The following UBTD2 variants were observed in gnomAD, a reference collection of about 807,000 sequenced individuals.
UBTD2 encodes the protein ubiquitin domain-containing protein 2.
Under a neutral mutation model 19.8 loss-of-function variants are expected in UBTD2, and 9 were observed. The ratio of observed to expected loss-of-function variants is 0.46; its 90% CI spans 0.27 to 0.79. The LOEUF (loss-of-function observed/expected upper bound fraction) is 0.79, where lower values mean the gene tolerates loss of function less well. Among genes scored for constraint, UBTD2 ranks in the 30% least tolerant of loss-of-function variants. The pLI is 0.14. For missense variants in UBTD2, 250 were observed against 300.4 expected, an observed-to-expected ratio of 0.83 and a Z score of 1.24; for synonymous variants, 98 against 103.9, an observed-to-expected ratio of 0.94 and a Z score of 0.35.
intron 2 of UBTD2, among the ~76,000 whole-genome samples, chr5:172,231,748 CAT>C (rs1405219955): frequency 6.6e-6 from 1 of 152,084 alleles, no homozygotes. Flanking sequence ...GTCTATAAAA[CAT>C]ATATTTTCCT....
intron 1 of UBTD2, among the ~76,000 whole-genome samples, chr5:172,246,600 T>C (rs1754888296): frequency 6.6e-6 from 1 of 151,410 alleles, no homozygotes; most frequent in Non-Finnish European, 1.5e-5. Flanking sequence ...AATGCCACCA[T>C]GCCTGGCTAA....
chr5:172,277,336 G>A (rs1471165671), intron 1 of UBTD2, among the ~76,000 whole-genome samples: 2 of 152,014 alleles, frequency 1.3e-5, no homozygotes, highest in Non-Finnish European at 2.9e-5. Context: ...TCAGTGAAAG[G>A]TTACTTTATA....
At chr5:172,274,385 C>T (rs1195776748) in intron 1 of UBTD2, among the ~76,000 whole-genome samples, 3 of 151,900 alleles carry the variant, frequency 2.0e-5, no homozygotes, top group East Asian at 3.9e-4. Context: ...ATGATCCGCC[C>T]GCCTCAGCCT....
chr5:172,267,884 C>A (rs574364782), intron 1 of UBTD2, among the ~76,000 whole-genome samples: 1 of 152,318 alleles, frequency 6.6e-6, no homozygotes, highest in Admixed American at 6.5e-5. Flanking sequence ...TATTTAAGGT[C>A]ATAAAGAAAC....
At chr5:172,282,939 C>T (rs1755748443) in intron 1 of UBTD2, among the ~76,000 whole-genome samples, 1 of 152,098 alleles carries the variant, frequency 6.6e-6, no homozygotes, top group Admixed American at 6.6e-5. Flanking sequence ...ATGTGATTAG[C>T]CCACCCCGAC....
rs529829784 is a variant in UBTD2 at position 172,259,036 on chromosome 5, G to T, written c.70+24560C>A. ...CTTGTTTTGTTCTGGTTCTCAAGGGGAATGTTTCCAGCTTTTACCCATTCA... is the reference window on the plus strand; with the variant it reads ...CTTGTTTTGTTCTGGTTCTCAAGGGTAATGTTTCCAGCTTTTACCCATTCA... On this transcript the variant is annotated intron_variant, in intron 1 of 2. Transcript: ENST00000393792. 2.6e-5 allele frequency among the ~76,000 whole-genome samples: 4 copies of T among 152,276 alleles called. No homozygotes were observed. In the South Asian group the frequency reaches 8.3e-4, roughly 32 times the overall value.
At chr5:172,239,625 T>C (rs1772087173) in intron 1 of UBTD2, among the ~76,000 whole-genome samples, 1 of 151,932 alleles carries the variant, frequency 6.6e-6, no homozygotes, top group Non-Finnish European at 1.5e-5. Context: ...TTTGCCATGT[T>C]GGTCAGGCTG....
chr5:172,237,394 C>T (rs747425052), intron 1 of UBTD2, among the ~76,000 whole-genome samples: 1 of 152,136 alleles, frequency 6.6e-6, no homozygotes, highest in Non-Finnish European at 1.5e-5. Flanking sequence ...GACAGGCCCC[C>T]AATGCATTTT....
At chr5:172,241,833 A>G (rs987962346) in intron 1 of UBTD2, among the ~76,000 whole-genome samples, 2 of 152,176 alleles carry the variant, frequency 1.3e-5, no homozygotes, top group African/African-American at 4.8e-5. Context: ...AGCCTGGCCA[A>G]CACGGCGAAA....
chr5:172,278,062 C>A (rs1044312345), intron 1 of UBTD2, among the ~76,000 whole-genome samples: 15 of 152,040 alleles, frequency 9.9e-5, no homozygotes, highest in African/African-American at 3.6e-4. Context: ...AAACTGGAAC[C>A]ATCATACACT....
At chr5:172,248,127 C>A (rs1454022700) in intron 1 of UBTD2, among the ~76,000 whole-genome samples, 1 of 152,036 alleles carries the variant, frequency 6.6e-6, no homozygotes, top group Non-Finnish European at 1.5e-5. Flanking sequence ...TAGAAGTGAA[C>A]ACAAAACATA....
Position 172,211,765 on chromosome 5 carries a change from G to T in UBTD2, c.*65C>A, listed in dbSNP as rs569283653. 6.7e-7 allele frequency: 1 copy of T among 1,490,198 alleles called. No homozygotes were observed. The highest frequency in any genetic ancestry group is 1.4e-5 in the South Asian group (1 of 69,926). The allele number at this position is 1,490,198 out of a possible 1,614,324, so 92.3% of individuals were successfully genotyped here. A position where few individuals can be genotyped will look rare whatever the true frequency, so the allele number is the denominator to read the frequency against. On this transcript the variant is annotated 3_prime_UTR_variant, in exon 3 of 3. Coordinates refer to ENST00000393792, the MANE Select transcript of UBTD2 (RefSeq NM_152277.3). ...GAAATAGATTTCACGCCGCAGAGTA[G>T]GAAATGACAACAAGAACCATAAAAA...
intron 1 of UBTD2, among the ~76,000 whole-genome samples, chr5:172,279,996 G>A (rs1032317120): frequency 6.6e-6 from 1 of 152,138 alleles, no homozygotes; most frequent in African/African-American, 2.4e-5. Flanking sequence ...AGCTACTTGG[G>A]AGGCTGAGGC....
chr5:172,239,027 C>T (rs1248672452), intron 1 of UBTD2, among the ~76,000 whole-genome samples: 1 of 152,106 alleles, frequency 6.6e-6, no homozygotes, highest in East Asian at 1.9e-4. Flanking sequence ...GCACTATATA[C>T]ACACATATAT....
intron 2 of UBTD2, among the ~76,000 whole-genome samples, chr5:172,226,718 T>C (rs912558894): frequency 3.3e-5 from 5 of 152,216 alleles, no homozygotes; most frequent in African/African-American, 9.6e-5. Context: ...TTCAGGATTG[T>C]AGAGATGCTA....
intron 1 of UBTD2, chr5:172,242,284 A>G (rs570037179): frequency 1.7e-6 from 1 of 604,328 alleles, no homozygotes; most frequent in East Asian, 1.4e-4. Flanking sequence ...AGATTAACAC[A>G]CTATAATATC....
chr5:172,267,333 A>G (rs1755397107), intron 1 of UBTD2, among the ~76,000 whole-genome samples: 1 of 152,236 alleles, frequency 6.6e-6, no homozygotes, highest in Non-Finnish European at 1.5e-5. Flanking sequence ...TTACGCATAT[A>G]TGAAATTTAG....
chr5:172,221,345 G>A (rs1329234695), intron 2 of UBTD2, among the ~76,000 whole-genome samples: 2 of 151,798 alleles, frequency 1.3e-5, no homozygotes, highest in East Asian at 3.9e-4. Flanking sequence ...CTCTACCAAA[G>A]AAATAAAAAA....
chr5:172,283,618 G>C lies in UBTD2; in HGVS notation c.48C>G (p.Asn16Lys), dbSNP rs1461614402. The C allele has an allele frequency of 1.5e-6, 2 of 1,302,418 alleles. No individual in the cohort carries two copies. The highest frequency in any genetic ancestry group is 9.8e-7 in the Non-Finnish European group (1 of 1,017,136). 80.7% of individuals were successfully genotyped at this position (1,302,418 alleles called of 1,614,324 possible). A position where few individuals can be genotyped will look rare whatever the true frequency, so the allele number is the denominator to read the frequency against. The change falls in exon 1 of 3, where the codon AAC (asparagine) becomes AAG (lysine). Residue 16 changes from asparagine to lysine, a missense_variant. By Grantham distance (94) the Asn-to-Lys change is moderately conservative. Transcript: ENST00000393792. The surrounding 1 kb of genome is among the most constrained non-coding windows in gnomAD (Gnocchi z 4.3). The stretch of plus-strand genomic sequence containing the variant: ...TACCTCCGGTGCCCTCCGAGTTCTC[G>C]TTGAGGCTGCCCGAGGAGTCGTGCT... ...GAQHDSSGSL[N>K]ENSEGTGVAL...
Sources: gnomAD v4.1 joint callset for allele counts (sites outside exome capture counted in the v4.1 genomes callset) on GRCh38, gnomAD v4.1.1 for gene constraint, Gnocchi (gnomAD v3.1) non-coding constraint, MANE v1.5 for transcripts, NCBI Gene and HGNC (gene_info 2026-07-23, HGNC 2026-07-21) for gene names.